CDCA4: variants seen among roughly 807,000 people sequenced by gnomAD.
CDCA4 encodes cell division cycle associated 4, also known as cell division cycle-associated protein 4.
For synonymous variants in CDCA4, 130 were observed against 137.0 expected (o/e 0.95, Z 0.36); for missense variants, 294 against 322.1 (o/e 0.91, Z 0.67).
rs1226104814 is a variant in CDCA4 at position 105,011,070 on chromosome 14, G to T, written c.*134C>A. The T allele has an allele frequency of 9.1e-7, 1 of 1,097,230 alleles. No homozygotes were observed. The highest frequency in any genetic ancestry group is 1.3e-6 in the Non-Finnish European group (1 of 788,160). 68.0% of individuals were successfully genotyped at this position (1,097,230 alleles called of 1,614,324 possible). A position where few individuals can be genotyped will look rare whatever the true frequency, so the allele number is the denominator to read the frequency against. On this transcript the variant is annotated 3_prime_UTR_variant, in exon 2 of 2. Coordinates refer to ENST00000336219, the MANE Select transcript of CDCA4 (RefSeq NM_017955.4). ...AGGGCTGCAGCCCCACTGGTAATGG[G>T]CTGTTCTGGGATTTCTCAGAATCAG...
At chr14:105,016,877 C>G (rs746353712) in intron 1 of CDCA4, among the ~76,000 whole-genome samples, 2 of 152,238 alleles carry the variant, frequency 1.3e-5, no homozygotes, top group Non-Finnish European at 2.9e-5. Context: ...ACAGACGGAG[C>G]AGAGTGTCAC....
chr14:105,019,640 A>G (rs902082214), intron 1 of CDCA4, among the ~76,000 whole-genome samples: 10 of 152,208 alleles, frequency 6.6e-5, no homozygotes, highest in African/African-American at 2.4e-4. Flanking sequence ...ACTGAGTGGG[A>G]GCTCCACCTT....
At chr14:105,018,445 C>T (rs566146747) in intron 1 of CDCA4, among the ~76,000 whole-genome samples, 9 of 152,278 alleles carry the variant, frequency 5.9e-5, no homozygotes, top group South Asian at 2.1e-4. Flanking sequence ...TTTACAGTCA[C>T]GTGACCCCAA....
chr14:105,011,195 G>A lies in CDCA4; in HGVS notation c.*9C>T, dbSNP rs879187818. The stretch of plus-strand genomic sequence containing the variant: ...GTCAGAGGCGGCTGTGAGCACTCAG[G>A]GCTCCTGCTCAGGTCTCCACCAGGA... On this transcript the variant is annotated 3_prime_UTR_variant, in exon 2 of 2. Transcript: ENST00000336219. The A allele has an allele frequency of 3.8e-6, 6 of 1,598,034 alleles. No homozygotes were observed. In the African/African-American group the frequency reaches 4.0e-5, roughly 11 times the overall value.
intron 1 of CDCA4, among the ~76,000 whole-genome samples, chr14:105,015,355 C>A (rs1211725162): frequency 6.6e-6 from 1 of 152,174 alleles, no homozygotes; most frequent in Admixed American, 6.5e-5. Flanking sequence ...CTGCTCTGAG[C>A]GAGGGAATAT....
chr14:105,012,599 G>A (rs947813313), intron 1 of CDCA4, among the ~76,000 whole-genome samples: 1 of 152,238 alleles, frequency 6.6e-6, no homozygotes, highest in Non-Finnish European at 1.5e-5. Context: ...ATCCCATGCA[G>A]CGAGTGGTCT....
chr14:105,020,173 C>T (rs1886188907), intron 1 of CDCA4, among the ~76,000 whole-genome samples: 4 of 152,214 alleles, frequency 2.6e-5, no homozygotes, highest in Non-Finnish European at 4.4e-5. Flanking sequence ...TCTGGATTTC[C>T]ACCCTAATTA....
intron 1 of CDCA4, among the ~76,000 whole-genome samples, chr14:105,015,951 T>G (rs1270071411): frequency 1.3e-5 from 2 of 151,524 alleles, no homozygotes; most frequent in Non-Finnish European, 2.9e-5. Flanking sequence ...TCAGCCACCG[T>G]GCCAGGCCAG....
At position 105,011,295 on chromosome 14, in the gene CDCA4, C is replaced by A. The variant is rs1900492705; in HGVS notation, c.635G>T (p.Gly212Val). The change falls in exon 2 of 2, where the codon GGC (glycine) becomes GTC (valine). Residue 212 changes from glycine to valine, a missense_variant. Physicochemically the swap from Gly to Val is moderately radical, Grantham distance 109. Transcript: ENST00000336219. ...ARPGPCEGLE[G>V]LAPATPGPSS... is the part of the protein sequence containing the mutation. Reference sequence around the variant, plus strand: ...AGGGCCTGGGGTGGCCGGAGCCAAGCCCTCGAGCCCTTCGCAGGGGCCCGG... The same window carrying A: ...AGGGCCTGGGGTGGCCGGAGCCAAGACCTCGAGCCCTTCGCAGGGGCCCGG... 6.2e-7 allele frequency: 1 copy of A among 1,613,824 alleles called. No individual in the cohort carries two copies. Among genetic ancestry groups the A allele is most frequent in the Admixed American group, 1.7e-5 (1 of 60,000 alleles).
chr14:105,011,730 C>T lies in CDCA4; in HGVS notation c.200G>A (p.Arg67Gln), dbSNP rs778461801. 8 of 1,613,578 alleles carry T rather than the reference C, an allele frequency of 5.0e-6. No homozygotes were observed. Among genetic ancestry groups the T allele is most frequent in the African/African-American group, 2.7e-5 (2 of 74,946 alleles). ...CRSVLIANTV[R>Q]QIQEEMTQDG... ...CTGCGTCATCTCCTCTTGGATCTGC[C>T]GGACCGTGTTGGCAATGAGGACTGA... Residue 67 changes from arginine to glutamine, a missense_variant, in exon 2 of 2, where the codon CGG becomes CAG. Coordinates refer to ENST00000336219, the MANE Select transcript of CDCA4 (RefSeq NM_017955.4).
At chr14:105,018,435 T>C (rs1230043082) in intron 1 of CDCA4, among the ~76,000 whole-genome samples, 1 of 152,160 alleles carries the variant, frequency 6.6e-6, no homozygotes, top group Non-Finnish European at 1.5e-5. Flanking sequence ...ACAGGTGCTT[T>C]TTACAGTCAC....
At chr14:105,020,522 C>A (rs1235615163) in intron 1 of CDCA4, among the ~76,000 whole-genome samples, 2 of 152,222 alleles carry the variant, frequency 1.3e-5, no homozygotes, top group Admixed American at 6.5e-5. Flanking sequence ...GAAGACGGCG[C>A]TGGCCGACCC....
At chr14:105,018,763 G>A (rs1886149930) in intron 1 of CDCA4, among the ~76,000 whole-genome samples, 1 of 149,740 alleles carries the variant, frequency 6.7e-6, no homozygotes, top group South Asian at 2.1e-4. Flanking sequence ...TTAAGACAGA[G>A]TCTCATTCTG....
chr14:105,017,248 T>C (rs1782972759), intron 1 of CDCA4, among the ~76,000 whole-genome samples: 2 of 151,984 alleles, frequency 1.3e-5, no homozygotes, highest in Non-Finnish European at 2.9e-5. Flanking sequence ...GGAGTCTCAC[T>C]GTCGCCCAGG....
rs34252654 is a variant in CDCA4, at chr14:105,010,843, A to C, written c.*361T>G. The C allele has an allele frequency of 1.5e-3, 371 of 247,506 alleles. 1 individual carries two copies. The highest frequency in any genetic ancestry group is 2.3e-3 in the Non-Finnish European group (304 of 130,072). The allele number at this position is 247,506 out of a possible 1,614,324, so 15.3% of individuals were successfully genotyped here. On this transcript the variant is annotated 3_prime_UTR_variant, in exon 2 of 2. Transcript: ENST00000336219. ...TATATCTTAAGACAAAATACTGCCC[A>C]AAACATGTAAAACTGAATTGTAAAA...
intron 1 of CDCA4, among the ~76,000 whole-genome samples, chr14:105,018,328 T>C (rs1037781409): frequency 6.6e-6 from 1 of 152,092 alleles, no homozygotes; most frequent in Non-Finnish European, 1.5e-5. Flanking sequence ...TCCTCTCCAA[T>C]GTTCCAAATC....
At chr14:105,017,659 A>G (rs11845745) in intron 1 of CDCA4, among the ~76,000 whole-genome samples, 119,610 of 151,838 alleles carry the variant, frequency 0.79, 47,300 homozygotes, top group Middle Eastern at 0.88. Context: ...ATGAAACCCC[A>G]TCTCTACTAA....
chr14:105,018,573 A>T (rs1368426341), intron 1 of CDCA4, among the ~76,000 whole-genome samples: 1 of 152,074 alleles, frequency 6.6e-6, no homozygotes, highest in African/African-American at 2.4e-5. Context: ...CAAAGTCAGC[A>T]AGAGCATGGT....
chr14:105,012,429 C>T (rs2140908487), intron 1 of CDCA4, among the ~76,000 whole-genome samples: 1 of 152,356 alleles, frequency 6.6e-6, no homozygotes, highest in East Asian at 1.9e-4. Flanking sequence ...TCTGACTTCC[C>T]TCAGGATCCT....
Sources: allele counts gnomAD v4.1 joint callset (sites outside exome capture counted in the v4.1 genomes callset), GRCh38; gene constraint gnomAD v4.1.1; transcripts MANE v1.5; gene names NCBI Gene and HGNC (gene_info 2026-07-23, HGNC 2026-07-21).